The following RHOT1 variants were observed in gnomAD, a reference collection of about 807,000 sequenced individuals.
The protein encoded by RHOT1 is mitochondrial Rho GTPase 1.
In RHOT1, 27 loss-of-function variants were observed where a neutral mutation model predicts 95.3. The observed-to-expected ratio is 0.28, with a 90% confidence interval of 0.21 to 0.39. The LOEUF (loss-of-function observed/expected upper bound fraction) is 0.39. RHOT1 is among the 10% of genes least tolerant of loss of function. The probability of loss-of-function intolerance (pLI) is 1.00; values close to 1 mark genes in which losing one functional copy is unlikely to be tolerated. For synonymous variants in RHOT1, 227 were observed against 263.5 expected (o/e 0.86, Z 1.34); for missense variants, 578 against 786.7 (o/e 0.73, Z 3.17).
intron 1 of RHOT1, among the ~76,000 whole-genome samples, chr17:32,168,551 G>A (rs1214498960): frequency 6.6e-6 from 1 of 151,194 alleles, no homozygotes; most frequent in Non-Finnish European, 1.5e-5. Context: ...TGGAATTACA[G>A]GCATGAGCCA....
intron 8 of RHOT1, among the ~76,000 whole-genome samples, chr17:32,187,162 C>G (rs1297819226): frequency 6.6e-6 from 1 of 152,008 alleles, no homozygotes; most frequent in Non-Finnish European, 1.5e-5. Context: ...TGGCGCATAC[C>G]TGTAATCCCA....
intron 8 of RHOT1, among the ~76,000 whole-genome samples, chr17:32,187,515 G>A (rs1227063309): frequency 6.6e-6 from 1 of 152,182 alleles, no homozygotes; most frequent in Non-Finnish European, 1.5e-5. Context: ...GTATAAGTGA[G>A]TGGTTAGCAA....
intron 1 of RHOT1, among the ~76,000 whole-genome samples, chr17:32,167,669 C>A (rs2034214713): frequency 6.6e-6 from 1 of 152,176 alleles, no homozygotes; most frequent in South Asian, 2.1e-4. Flanking sequence ...GTCAGCCTAT[C>A]CTTTTAAGCA....
chr17:32,152,178 G>A (rs1247677505), intron 1 of RHOT1, among the ~76,000 whole-genome samples: 2 of 152,212 alleles, frequency 1.3e-5, no homozygotes, highest in Non-Finnish European at 2.9e-5. Context: ...CGTGAGTAAA[G>A]CTACTTGATT....
intron 16 of RHOT1, 66 bp downstream of exon 16, chr17:32,204,039 A>G: frequency 8.9e-7 from 1 of 1,117,836 alleles, no homozygotes; most frequent in Non-Finnish European, 1.3e-6. Flanking sequence ...ACTCTTTGAA[A>G]ACAAATTGGC....
intron 19 of RHOT1, among the ~76,000 whole-genome samples, chr17:32,219,786 T>C (rs1369122629): frequency 6.6e-6 from 1 of 152,186 alleles, no homozygotes; most frequent in African/African-American, 2.4e-5. Flanking sequence ...CCTAAGAACT[T>C]GAAAGCTCTA....
At chr17:32,211,296 CG>C (rs748691211) in intron 19 of RHOT1, 58 bp downstream of exon 19, 10 of 1,489,526 alleles carry the variant, frequency 6.7e-6, no homozygotes, top group Non-Finnish European at 8.2e-6. Flanking sequence ...AAGAAAAAAG[CG>C]GATAACTATT....
chr17:32,165,116 G>A (rs989983984), intron 1 of RHOT1, among the ~76,000 whole-genome samples: 1 of 152,050 alleles, frequency 6.6e-6, no homozygotes, highest in African/African-American at 2.4e-5. Context: ...CAAGGCAGGC[G>A]GATCACAAGG....
chr17:32,157,790 T>C (rs1278542830), intron 1 of RHOT1, among the ~76,000 whole-genome samples: 1 of 150,858 alleles, frequency 6.6e-6, no homozygotes, highest in Non-Finnish European at 1.5e-5. Flanking sequence ...CTGGGTGACA[T>C]AGCAAGACTG....
intron 1 of RHOT1, among the ~76,000 whole-genome samples, chr17:32,148,281 A>G (rs1341124474): frequency 6.6e-6 from 1 of 152,216 alleles, no homozygotes; most frequent in African/African-American, 2.4e-5. Context: ...ACAAAAAAGA[A>G]AAAGAAAATT....
At chr17:32,188,433 T>C (rs2036220890) in intron 8 of RHOT1, among the ~76,000 whole-genome samples, 1 of 152,196 alleles carries the variant, frequency 6.6e-6, no homozygotes, top group African/African-American at 2.4e-5. Flanking sequence ...CAAATATAAT[T>C]TTATAAATAC....
chr17:32,192,892 G>A (rs1598406784), intron 9 of RHOT1, among the ~76,000 whole-genome samples: 1 of 151,890 alleles, frequency 6.6e-6, no homozygotes, highest in Non-Finnish European at 1.5e-5. Flanking sequence ...GGGTGGACTC[G>A]ATCTCCTCGT....
intron 18 of RHOT1, among the ~76,000 whole-genome samples, chr17:32,209,999 T>A (rs1289142921): frequency 2.0e-5 from 3 of 152,104 alleles, no homozygotes; most frequent in African/African-American, 4.8e-5. Context: ...TTTTTTTTTT[T>A]AATTCTTGTT....
intron 19 of RHOT1, among the ~76,000 whole-genome samples, chr17:32,218,282 AG>A (rs1265994171): frequency 6.6e-6 from 1 of 152,206 alleles, no homozygotes; most frequent in African/African-American, 2.4e-5. Flanking sequence ...TGAGCTCAGG[AG>A]TTCAGGACCA....
chr17:32,194,987 G>A (rs58872664), intron 11 of RHOT1, among the ~76,000 whole-genome samples: 154 of 151,730 alleles, frequency 1.0e-3, no homozygotes, highest in African/African-American at 3.7e-3. Context: ...CACCATGCCC[G>A]GCTAATTTTT....
intron 14 of RHOT1, among the ~76,000 whole-genome samples, chr17:32,201,322 G>A (rs555890223): frequency 3.4e-4 from 52 of 152,276 alleles, no homozygotes; most frequent in African/African-American, 1.2e-3. Context: ...GGGCATTAAA[G>A]GATTTACCAG....
chr17:32,215,806 A>G (rs1227654584), intron 19 of RHOT1, among the ~76,000 whole-genome samples: 1 of 152,224 alleles, frequency 6.6e-6, no homozygotes, highest in Admixed American at 6.5e-5. Context: ...TTAAACATAC[A>G]TCTATCTCAC....
intron 4 of RHOT1, 112 bp from the exon 5 acceptor site, chr17:32,175,850 G>A: frequency 4.7e-6 from 3 of 633,060 alleles, no homozygotes; most frequent in Non-Finnish European, 7.5e-6. Context: ...TTTTGTTTTA[G>A]CTGTTAAATT....
At chr17:32,171,291 G>A (rs1052501038) in intron 2 of RHOT1, among the ~76,000 whole-genome samples, 190 bp downstream of exon 2, 16 of 152,226 alleles carry the variant, frequency 1.1e-4, no homozygotes, top group African/African-American at 3.4e-4. Flanking sequence ...TGCCATCATA[G>A]CCCACTGCAA....
Sources: gnomAD v4.1 joint callset for allele counts (sites outside exome capture counted in the v4.1 genomes callset) on GRCh38, gnomAD v4.1.1 for gene constraint, MANE v1.5 for transcripts, NCBI Gene and HGNC (gene_info 2026-07-23, HGNC 2026-07-21) for gene names.